SYT9: variants seen among roughly 807,000 people sequenced by gnomAD.
The protein encoded by SYT9 is synaptotagmin 9.
In SYT9, 22 loss-of-function variants were observed where a neutral mutation model predicts 48.4. The observed-to-expected ratio is 0.45, with a 90% CI of 0.32 to 0.65. SYT9 has a LOEUF of 0.65. Among genes scored for constraint, SYT9 ranks in the 30% least tolerant of loss-of-function variants. The pLI, the probability that SYT9 is intolerant of heterozygous loss-of-function variation, is 0.03. For synonymous variants in SYT9, 265 were observed against 245.0 expected (o/e 1.08, Z -0.76); for missense variants, 577 against 622.0 (o/e 0.93, Z 0.77).
chr11:7,353,978 A>C (rs945356721), intron 3 of SYT9, among the ~76,000 whole-genome samples: 1 of 152,226 alleles, frequency 6.6e-6, no homozygotes, highest in Non-Finnish European at 1.5e-5. Context: ...TAATGGCTTT[A>C]TACTACAATT....
intron 3 of SYT9, among the ~76,000 whole-genome samples, chr11:7,352,308 G>A (rs1367326675): frequency 6.6e-6 from 1 of 152,160 alleles, no homozygotes; most frequent in Admixed American, 6.5e-5. Context: ...GAGATGGAGA[G>A]GAGATAAATG....
At chr11:7,370,674 T>C (rs1220135100) in intron 3 of SYT9, among the ~76,000 whole-genome samples, 2 of 152,144 alleles carry the variant, frequency 1.3e-5, no homozygotes, top group Non-Finnish European at 1.5e-5. Flanking sequence ...GAAGGTGGGA[T>C]ATTGAAAAGT....
chr11:7,329,497 G>A (rs918687712), intron 3 of SYT9, among the ~76,000 whole-genome samples: 1 of 151,820 alleles, frequency 6.6e-6, no homozygotes, highest in Non-Finnish European at 1.5e-5. Flanking sequence ...TATATGACTC[G>A]ACGTCACTTC....
intron 2 of SYT9, among the ~76,000 whole-genome samples, chr11:7,312,766 G>A (rs1285950426): frequency 6.6e-6 from 1 of 152,166 alleles, no homozygotes; most frequent in African/African-American, 2.4e-5. Flanking sequence ...TCACCCATGT[G>A]TACAGCAAAA....
chr11:7,433,193 G>T (rs186220218), intron 6 of SYT9, among the ~76,000 whole-genome samples: 1 of 152,224 alleles, frequency 6.6e-6, no homozygotes, highest in Admixed American at 6.5e-5. Context: ...ATAAGTAAAA[G>T]CTTCCTGAGA....
chr11:7,272,643 G>A (rs151277592), intron 1 of SYT9, among the ~76,000 whole-genome samples: 69 of 152,256 alleles, frequency 4.5e-4, no homozygotes, highest in African/African-American at 1.6e-3. Flanking sequence ...TTACCTTTTC[G>A]TGGAGGATAC....
In SYT9 at chr11:7,466,918, C is replaced by T. The variant is rs891414396; in HGVS notation, c.*118C>T. The stretch of plus-strand genomic sequence containing the variant: ...ACGATTTCAGTGACCAAATGCTCAG[C>T]TGTAACCACAGCACTAACTGGCCTT... On this transcript the variant is annotated 3_prime_UTR_variant, in exon 7 of 7. Coordinates refer to ENST00000318881, the MANE Select transcript of SYT9 (RefSeq NM_175733.4). 2 of 1,278,366 alleles carry T rather than the reference C, an allele frequency of 1.6e-6. No individual in the cohort carries two copies. Among genetic ancestry groups the T allele is most frequent in the Admixed American group, 3.9e-5 (2 of 51,838 alleles). The allele number at this position is 1,278,366 out of a possible 1,614,324, so 79.2% of individuals were successfully genotyped here.
In SYT9 at chr11:7,454,242, G is replaced by A. The variant is rs1273024149; in HGVS notation, c.1468-12550G>A. Reference sequence around the variant, plus strand: ...CCCCACCCTTTCTCTCTAGCCCTTAGTTGATGTCTTCCTCCCATTTGTCTC... The same window carrying A: ...CCCCACCCTTTCTCTCTAGCCCTTAATTGATGTCTTCCTCCCATTTGTCTC... On this transcript the variant is annotated intron_variant, in intron 6 of 6. Coordinates refer to ENST00000318881, the MANE Select transcript of SYT9 (RefSeq NM_175733.4). The A allele has an allele frequency of 1.1e-5, 11 of 985,166 alleles. No homozygotes were observed. The African/African-American group carries it at 1.6e-4, about 14-fold the overall frequency. 61.0% of individuals were successfully genotyped at this position (985,166 alleles called of 1,614,324 possible). A position where few individuals can be genotyped will look rare whatever the true frequency, so the allele number is the denominator to read the frequency against.
rs1341398875 is a variant in SYT9 at position 7,252,144 on chromosome 11, C to T, written c.-43C>T. 1.2e-5 allele frequency: 17 copies of T among 1,378,864 alleles called. No individual in the cohort carries two copies. The highest frequency in any genetic ancestry group is 1.5e-5 in the Non-Finnish European group (16 of 1,071,074). 85.4% of individuals were successfully genotyped at this position (1,378,864 alleles called of 1,614,324 possible). A position where few individuals can be genotyped will look rare whatever the true frequency, so the allele number is the denominator to read the frequency against. On this transcript the variant is annotated 5_prime_UTR_variant, in exon 1 of 7. Coordinates refer to ENST00000318881, the MANE Select transcript of SYT9 (RefSeq NM_175733.4). This position sits in a 1 kb window ranked among gnomAD's most constrained non-coding sequence, Gnocchi z 6.3. ...GAGCTGGCAGGCGGAGGGCTGTCTC[C>T]TGCGCCCGCCTGCCCGGCGCGGTCC...
intron 1 of SYT9, among the ~76,000 whole-genome samples, chr11:7,282,284 T>G (rs1480996414): frequency 2.6e-5 from 4 of 152,174 alleles, no homozygotes; most frequent in African/African-American, 9.7e-5. Flanking sequence ...CAAATAATCT[T>G]TTGGCTGAGA....
chr11:7,292,443 G>T (rs1487878), intron 1 of SYT9, among the ~76,000 whole-genome samples: 1 of 152,068 alleles, frequency 6.6e-6, no homozygotes, highest in African/African-American at 2.4e-5. Context: ...CCATTGTAAA[G>T]GTGAGAAATG....
At chr11:7,255,134 C>T (rs891588569) in intron 1 of SYT9, among the ~76,000 whole-genome samples, 1 of 152,178 alleles carries the variant, frequency 6.6e-6, no homozygotes, top group Non-Finnish European at 1.5e-5. Context: ...AATTAGAATG[C>T]TCTGTTGGTT....
Position 7,294,634 on chromosome 11 carries a change from C to A in SYT9, c.146-8405C>A, listed in dbSNP as rs186056291. ...AGGCAAACTCCATGAGGTCCTAAGG[C>A]TCAAAAATAATCCTCTTTGGCTTAA... is the stretch of plus-strand genomic sequence containing the variant. On this transcript the variant is annotated intron_variant, in intron 1 of 6. Transcript: ENST00000318881. Among the ~76,000 whole-genome samples the A allele has an allele frequency of 4.0e-3, 604 of 152,266 alleles. 3 individuals are homozygous for A. Among genetic ancestry groups the A allele is most frequent in the Non-Finnish European group, 5.6e-3 (383 of 68,018 alleles).
intron 6 of SYT9, among the ~76,000 whole-genome samples, chr11:7,452,152 G>C (rs1389169540): frequency 9.2e-6 from 1 of 109,108 alleles, no homozygotes; most frequent in East Asian, 2.3e-4. Flanking sequence ...CACACACTGA[G>C]GAAAAACAAA....
chr11:7,360,906 C>G (rs1022296132), intron 3 of SYT9, among the ~76,000 whole-genome samples: 1 of 152,110 alleles, frequency 6.6e-6, no homozygotes, highest in African/African-American at 2.4e-5. Flanking sequence ...TTCAAGTTAT[C>G]TATTCTTGAT....
intron 3 of SYT9, among the ~76,000 whole-genome samples, chr11:7,404,200 A>T (rs988971900): frequency 4.6e-5 from 7 of 152,002 alleles, no homozygotes; most frequent in African/African-American, 7.2e-5. Flanking sequence ...TTTAAGGTAG[A>T]TTTCTTGAAG....
chr11:7,311,145 A>G (rs1354071047), intron 2 of SYT9, among the ~76,000 whole-genome samples: 3 of 152,178 alleles, frequency 2.0e-5, no homozygotes, highest in East Asian at 1.9e-4. Context: ...TCTACTAAAA[A>G]TACAAAATTA....
rs546240779 is a variant in SYT9 at position 7,240,723 on chromosome 11, C to T, written c.49+1807C>T. Among the ~76,000 whole-genome samples the T allele has an allele frequency of 1.5e-4, 23 of 152,196 alleles. No homozygotes were observed. The South Asian group carries it at 4.8e-3, about 32-fold the overall frequency. Reference sequence around the variant, plus strand: ...TTTATATCTTAAAAATTAAGATGTACTTTTGTTTTAATCAATGGAGGTTAA... The same window carrying T: ...TTTATATCTTAAAAATTAAGATGTATTTTTGTTTTAATCAATGGAGGTTAA... On this transcript the variant is annotated intron_variant and NMD_transcript_variant, in intron 1 of 8. Coordinates refer to the SYT9 transcript ENST00000524820.
chr11:7,384,189 G>A (rs983130961), intron 3 of SYT9, among the ~76,000 whole-genome samples: 1 of 151,788 alleles, frequency 6.6e-6, no homozygotes, highest in Admixed American at 6.6e-5. Flanking sequence ...ATGTAAACAT[G>A]ATGTATAGCT....
Sources: gnomAD v4.1 joint callset for allele counts (sites outside exome capture counted in the v4.1 genomes callset) on GRCh38, gnomAD v4.1.1 for gene constraint, Gnocchi (gnomAD v3.1) non-coding constraint, MANE v1.5 for transcripts, NCBI Gene and HGNC (gene_info 2026-07-23, HGNC 2026-07-21) for gene names.